The following LRP1B variants were observed in gnomAD, a reference collection of about 807,000 sequenced individuals.
LRP1B encodes low-density lipoprotein receptor-related protein 1B.
LRP1B carries 217 observed loss-of-function variants against 556.6 expected under a neutral mutation model. The ratio of observed to expected loss-of-function variants is 0.39; its 90% confidence interval spans 0.35 to 0.44. LRP1B has a LOEUF of 0.44. Ranked by LOEUF, LRP1B falls within the 20% of genes least tolerant of loss-of-function variation. The pLI is 1.00. For synonymous variants in LRP1B, 2,047 were observed against 1,865.8 expected, an observed-to-expected ratio of 1.10 and a Z score of -2.50; for missense variants, 5,053 against 5,620.8, an observed-to-expected ratio of 0.90 and a Z score of 3.23.
At chr2:140,609,182 C>T (rs1301988714) in intron 41 of LRP1B, among the ~76,000 whole-genome samples, 1 of 152,092 alleles carries the variant, frequency 6.6e-6, no homozygotes, top group Non-Finnish European at 1.5e-5. Context: ...ATTCGCCATC[C>T]AAGGAGAGGC....
intron 84 of LRP1B, among the ~76,000 whole-genome samples, chr2:140,280,972 T>G (rs899197058): frequency 6.6e-6 from 1 of 151,792 alleles, no homozygotes; most frequent in South Asian, 2.1e-4. Context: ...TAATGTAATC[T>G]AAAGGACAAT....
chr2:141,228,894 A>T (rs1469227410), intron 6 of LRP1B, among the ~76,000 whole-genome samples: 1 of 151,930 alleles, frequency 6.6e-6, no homozygotes, highest in African/African-American at 2.4e-5. Flanking sequence ...GTGAATTACC[A>T]CTCAGTGGAA....
At chr2:141,755,307 TAAACCAATATCATAATA>T (rs1694276188) in intron 2 of LRP1B, among the ~76,000 whole-genome samples, 4 of 152,068 alleles carry the variant, frequency 2.6e-5, no homozygotes, top group Admixed American at 2.0e-4. Flanking sequence ...TAGGTTCTTA[TAAACCAATATCATAATA>T]TTCCAATTTA....
At chr2:140,441,884 C>G (rs1686440910) in intron 66 of LRP1B, among the ~76,000 whole-genome samples, 1 of 152,260 alleles carries the variant, frequency 6.6e-6, no homozygotes, top group African/African-American at 2.4e-5. Context: ...GTGTTAACAG[C>G]TTTAACATAG....
chr2:141,790,630 A>AT (rs2105660814), intron 2 of LRP1B, among the ~76,000 whole-genome samples: 1 of 151,922 alleles, frequency 6.6e-6, no homozygotes, highest in Admixed American at 6.6e-5. Flanking sequence ...CAGCAGCACC[A>AT]TCCTACATTC....
chr2:141,674,185 A>C (rs906557948), intron 2 of LRP1B, among the ~76,000 whole-genome samples: 3 of 152,114 alleles, frequency 2.0e-5, no homozygotes, highest in Non-Finnish European at 2.9e-5. Flanking sequence ...AAAATATACA[A>C]TGTTTTAAAA....
At chr2:141,611,280 A>G (rs1207405777) in intron 2 of LRP1B, among the ~76,000 whole-genome samples, 1 of 152,258 alleles carries the variant, frequency 6.6e-6, no homozygotes, top group Non-Finnish European at 1.5e-5. Flanking sequence ...CTTATTTTGC[A>G]GATAAGGAAA....
chr2:140,643,404 C>T (rs115153392), intron 41 of LRP1B, among the ~76,000 whole-genome samples: 2,645 of 151,548 alleles, frequency 0.017, 43 homozygotes, highest in Admixed American at 0.046. Flanking sequence ...GGAAAGACAT[C>T]GAAAAAAATC....
chr2:140,263,473 G>C (rs1232662296), intron 86 of LRP1B, among the ~76,000 whole-genome samples: 1 of 152,104 alleles, frequency 6.6e-6, no homozygotes. Flanking sequence ...ACATGGCGAG[G>C]CTGAGAATTT....
intron 11 of LRP1B, among the ~76,000 whole-genome samples, chr2:141,021,267 C>T (rs1240345047): frequency 1.3e-5 from 2 of 151,972 alleles, no homozygotes; most frequent in Non-Finnish European, 2.9e-5. Context: ...CTTTCTGGCT[C>T]AGGAAAAACA....
intron 7 of LRP1B, among the ~76,000 whole-genome samples, chr2:141,094,715 A>G (rs1009124884): frequency 1.3e-5 from 2 of 152,184 alleles, no homozygotes; most frequent in Non-Finnish European, 2.9e-5. Context: ...CTGAGGAAGA[A>G]CTTCATTACA....
At chr2:141,085,293 C>G (rs1454166282) in intron 7 of LRP1B, among the ~76,000 whole-genome samples, 1 of 152,164 alleles carries the variant, frequency 6.6e-6, no homozygotes, top group East Asian at 1.9e-4. Context: ...TATAATGTAA[C>G]CTCTTATAGA....
chr2:141,759,054 A>G (rs183153586), intron 2 of LRP1B, among the ~76,000 whole-genome samples: 2 of 152,308 alleles, frequency 1.3e-5, no homozygotes, highest in East Asian at 3.9e-4. Context: ...TGCAAAAGTC[A>G]TTCAAAGAAA....
At chr2:140,441,437 T>C (rs1049134205) in intron 66 of LRP1B, among the ~76,000 whole-genome samples, 1 of 152,152 alleles carries the variant, frequency 6.6e-6, no homozygotes, top group Non-Finnish European at 1.5e-5. Flanking sequence ...AAGTGGCAAA[T>C]GGTAGTTTTA....
chr2:140,769,044 A>C (rs1429887570), intron 35 of LRP1B, among the ~76,000 whole-genome samples, 169 bp downstream of exon 35: 3 of 151,592 alleles, frequency 2.0e-5, no homozygotes, highest in Non-Finnish European at 4.4e-5. Context: ...TTTTTTTCAG[A>C]CACTACACAT....
At chr2:140,623,956 G>GTATATATATGTATATATATATATATA in intron 41 of LRP1B, among the ~76,000 whole-genome samples, 1 of 106,432 alleles carries the variant, frequency 9.4e-6, no homozygotes, top group East Asian at 3.1e-4. Flanking sequence ...TTTTATTTAT[G>GTATATATATGTATATATATATATATA]TATATATATA....
intron 3 of LRP1B, among the ~76,000 whole-genome samples, chr2:141,454,884 T>A (rs1046750486): frequency 2.6e-5 from 4 of 152,184 alleles, no homozygotes; most frequent in Non-Finnish European, 4.4e-5. Context: ...TGAGGAATAC[T>A]CTCCAAGACG....
At chr2:140,851,820 G>A (rs368150314) in intron 27 of LRP1B, 37 bp from the exon 28 acceptor site, 276 of 1,564,996 alleles carry the variant, frequency 1.8e-4, no homozygotes, top group Non-Finnish European at 1.5e-4. Flanking sequence ...AGTGAAGAAG[G>A]AAGAATGTAT....
chr2:140,648,371 G>T (rs1684559601), intron 41 of LRP1B, among the ~76,000 whole-genome samples: 1 of 151,974 alleles, frequency 6.6e-6, no homozygotes, highest in Admixed American at 6.6e-5. Context: ...ACACCAATAT[G>T]GCACATGTAT....
Sources: allele counts gnomAD v4.1 joint callset (sites outside exome capture counted in the v4.1 genomes callset), GRCh38; gene constraint gnomAD v4.1.1; transcripts MANE v1.5; gene names NCBI Gene and HGNC (gene_info 2026-07-23, HGNC 2026-07-21).